The following ZFPM2 variants were observed in gnomAD, a reference collection of about 807,000 sequenced individuals.
ZFPM2 encodes the protein zinc finger protein, FOG family member 2.
Under a neutral mutation model 98.6 loss-of-function variants are expected in ZFPM2, and 20 were observed. The ratio of observed to expected loss-of-function variants is 0.20; its 90% confidence interval spans 0.14 to 0.29. ZFPM2 has a LOEUF of 0.29. Ranked by LOEUF, ZFPM2 falls within the 10% of genes least tolerant of loss-of-function variation. The pLI, the probability that ZFPM2 is intolerant of heterozygous loss-of-function variation, is 1.00. For synonymous variants in ZFPM2, 518 were observed against 502.7 expected (o/e 1.03, Z -0.41); for missense variants, 1,310 against 1,388.6 (o/e 0.94, Z 0.90).
intron 1 of ZFPM2, among the ~76,000 whole-genome samples, chr8:105,418,044 A>C (rs537883994): frequency 1.3e-5 from 2 of 152,226 alleles, no homozygotes; most frequent in African/African-American, 4.8e-5. Flanking sequence ...TACGATACTT[A>C]TTCTTATTTA....
intron 3 of ZFPM2, among the ~76,000 whole-genome samples, chr8:105,508,666 C>A (rs1813750713): frequency 6.6e-6 from 1 of 151,956 alleles, no homozygotes; most frequent in Non-Finnish European, 1.5e-5. Context: ...CCTCTTCTAT[C>A]CTAATCTGTA....
intron 1 of ZFPM2, among the ~76,000 whole-genome samples, chr8:105,368,699 A>G (rs988782433): frequency 2.0e-5 from 3 of 152,124 alleles, no homozygotes; most frequent in East Asian, 1.9e-4. Context: ...CCCTATTTAG[A>G]TTATGGAATG....
At chr8:105,759,258 TG>T (rs972249695) in intron 5 of ZFPM2, among the ~76,000 whole-genome samples, 3 of 152,016 alleles carry the variant, frequency 2.0e-5, no homozygotes, top group African/African-American at 7.2e-5. Flanking sequence ...ATGAACAAAA[TG>T]GGGCCCAGGG....
At chr8:105,441,482 G>GAACGAAAGAAAGAAAGAAAGAAAGAAAA (rs1812245667) in intron 2 of ZFPM2, among the ~76,000 whole-genome samples, 2 of 85,404 alleles carry the variant, frequency 2.3e-5, no homozygotes, top group Non-Finnish European at 4.1e-5. Flanking sequence ...AAGAAAGAAA[G>GAACGAAAGAAAGAAAGAAAGAAAGAAAA]AAAGAAAGAA....
chr8:105,570,353 A>G (rs1353836756), intron 4 of ZFPM2, among the ~76,000 whole-genome samples: 9 of 151,566 alleles, frequency 5.9e-5, no homozygotes, highest in Admixed American at 5.9e-4. Context: ...TTACTCAGGG[A>G]AAGAGGAGAA....
intron 5 of ZFPM2, among the ~76,000 whole-genome samples, chr8:105,645,169 A>G (rs149504738): frequency 4.8e-4 from 73 of 152,340 alleles, no homozygotes; most frequent in African/African-American, 1.7e-3. Flanking sequence ...TTTTTCTTTA[A>G]CATAGAAAGC....
intron 3 of ZFPM2, among the ~76,000 whole-genome samples, chr8:105,555,283 GA>G (rs1814960235): frequency 6.6e-6 from 1 of 151,936 alleles, no homozygotes; most frequent in Non-Finnish European, 1.5e-5. Flanking sequence ...TCTTTTTGAA[GA>G]ATAACTGCAA....
intron 5 of ZFPM2, among the ~76,000 whole-genome samples, chr8:105,665,081 A>G (rs1454377973): frequency 2.0e-5 from 3 of 152,188 alleles, no homozygotes; most frequent in African/African-American, 7.2e-5. Flanking sequence ...TGATGCAAAC[A>G]TCTGGTGAGG....
At chr8:105,795,634 A>G (rs1448461684) in intron 6 of ZFPM2, 1 of 187,678 alleles carries the variant, frequency 5.3e-6, no homozygotes, top group Non-Finnish European at 1.1e-5. Flanking sequence ...AAAGAAATGC[A>G]TGATAAGCTT....
Position 105,530,539 on chromosome 8 carries a change from C to T in ZFPM2, c.302-30824C>T, listed in dbSNP as rs571165461. Among the ~76,000 whole-genome samples the T allele has an allele frequency of 4.9e-4, 75 of 152,254 alleles. 1 individual carries two copies. The highest frequency in any genetic ancestry group is 1.8e-3 in the African/African-American group (74 of 41,558). On this transcript the variant is annotated intron_variant, in intron 3 of 7. Coordinates refer to ENST00000407775, the MANE Select transcript of ZFPM2 (RefSeq NM_012082.4). ...TTCCTGACTTGCAAATGGCCGCCTT[C>T]TTGCTGTGTCCACACATGGCCTTTC... is the stretch of plus-strand genomic sequence containing the variant.
intron 4 of ZFPM2, among the ~76,000 whole-genome samples, chr8:105,591,528 T>G (rs1815843048): frequency 6.6e-6 from 1 of 152,128 alleles, no homozygotes; most frequent in South Asian, 2.1e-4. Context: ...TTTAAACTTG[T>G]ACACCAGAAA....
intron 5 of ZFPM2, among the ~76,000 whole-genome samples, chr8:105,717,055 C>T (rs1446241692): frequency 6.6e-6 from 1 of 152,022 alleles, no homozygotes; most frequent in Non-Finnish European, 1.5e-5. Flanking sequence ...AAGGGAGCTG[C>T]TTCTCCAGCA....
At chr8:105,668,885 A>T (rs1156724324) in intron 5 of ZFPM2, among the ~76,000 whole-genome samples, 1 of 152,166 alleles carries the variant, frequency 6.6e-6, no homozygotes, top group Non-Finnish European at 1.5e-5. Flanking sequence ...CACCTAGCAG[A>T]GTTTAGAAGG....
At chr8:105,674,971 C>A (rs1021215189) in intron 5 of ZFPM2, among the ~76,000 whole-genome samples, 1 of 151,998 alleles carries the variant, frequency 6.6e-6, no homozygotes, top group Non-Finnish European at 1.5e-5. Flanking sequence ...ATGGATTAGA[C>A]GTTTGTATGT....
chr8:105,676,950 G>A (rs1159283485), intron 5 of ZFPM2, among the ~76,000 whole-genome samples: 1 of 151,942 alleles, frequency 6.6e-6, no homozygotes, highest in Non-Finnish European at 1.5e-5. Flanking sequence ...ATGAAAACTT[G>A]TTAAAGAAGT....
intron 4 of ZFPM2, among the ~76,000 whole-genome samples, chr8:105,579,257 T>C (rs988525656): frequency 6.6e-6 from 1 of 152,206 alleles, no homozygotes; most frequent in African/African-American, 2.4e-5. Flanking sequence ...TTTAGCATCC[T>C]ATATTTCTGT....
chr8:105,509,590 A>T (rs1158106947), intron 3 of ZFPM2, among the ~76,000 whole-genome samples: 1 of 152,206 alleles, frequency 6.6e-6, no homozygotes. Context: ...TGGAAATACT[A>T]TTAAAGCAGT....
At chr8:105,447,030 T>G (rs1812387524) in intron 3 of ZFPM2, among the ~76,000 whole-genome samples, 1 of 152,104 alleles carries the variant, frequency 6.6e-6, no homozygotes, top group Admixed American at 6.5e-5. Flanking sequence ...ATTTTCCAAC[T>G]GTAGTCAGAG....
At chr8:105,748,236 C>G (rs1300753755) in intron 5 of ZFPM2, among the ~76,000 whole-genome samples, 1 of 151,968 alleles carries the variant, frequency 6.6e-6, no homozygotes, top group Non-Finnish European at 1.5e-5. Flanking sequence ...TTATCTACTT[C>G]TTTGCCAAAA....
Sources: gnomAD v4.1 joint callset for allele counts (sites outside exome capture counted in the v4.1 genomes callset) on GRCh38, gnomAD v4.1.1 for gene constraint, MANE v1.5 for transcripts, NCBI Gene and HGNC (gene_info 2026-07-23, HGNC 2026-07-21) for gene names.